LSAMP: variants seen among roughly 807,000 people sequenced by gnomAD.
LSAMP encodes limbic system-associated membrane protein.
In LSAMP, 7 loss-of-function variants were observed where a neutral mutation model predicts 38.6. That is an observed-to-expected ratio of 0.18 (90% CI 0.10 to 0.34). LSAMP has a LOEUF of 0.34. LSAMP is among the 10% of genes least tolerant of loss of function. The pLI is 1.00. For missense variants in LSAMP, 313 were observed against 420.0 expected (o/e 0.75, Z 2.23); for synonymous variants, 154 against 166.8 (o/e 0.92, Z 0.59).
At chr3:116,157,990 C>G (rs1709793755) in intron 1 of LSAMP, among the ~76,000 whole-genome samples, 1 of 152,044 alleles carries the variant, frequency 6.6e-6, no homozygotes, top group African/African-American at 2.4e-5. Context: ...AGCAGCACAT[C>G]AAAAGATTAA....
intron 1 of LSAMP, among the ~76,000 whole-genome samples, chr3:116,177,264 T>C (rs1037696724): frequency 6.6e-6 from 1 of 152,094 alleles, no homozygotes; most frequent in Non-Finnish European, 1.5e-5. Flanking sequence ...CATCTCCGAA[T>C]TGTAGTATGT....
At chr3:116,110,428 C>T (rs1056131222) in intron 1 of LSAMP, among the ~76,000 whole-genome samples, 22 of 152,158 alleles carry the variant, frequency 1.4e-4, no homozygotes, top group Admixed American at 6.5e-5. Context: ...GAGAGGCTTC[C>T]CTGCATTGAT....
At chr3:116,122,470 A>G (rs1193699448) in intron 1 of LSAMP, among the ~76,000 whole-genome samples, 6 of 152,214 alleles carry the variant, frequency 3.9e-5, no homozygotes, top group East Asian at 1.9e-4. Flanking sequence ...TCTGAAGAAG[A>G]GACCCCATCA....
intron 1 of LSAMP, among the ~76,000 whole-genome samples, chr3:116,297,936 A>G (rs1312498938): frequency 6.6e-6 from 1 of 152,168 alleles, no homozygotes; most frequent in Non-Finnish European, 1.5e-5. Context: ...CCTCTTCCAG[A>G]ATCCACTAAT....
chr3:116,238,085 T>C (rs1173003176), intron 1 of LSAMP, among the ~76,000 whole-genome samples: 7 of 152,132 alleles, frequency 4.6e-5, no homozygotes, highest in Non-Finnish European at 7.4e-5. Context: ...TTGCCAAATA[T>C]TTCCTGGGGG....
At chr3:115,855,339 T>A (rs1276184963) in intron 3 of LSAMP, among the ~76,000 whole-genome samples, 1 of 152,148 alleles carries the variant, frequency 6.6e-6, no homozygotes, top group Non-Finnish European at 1.5e-5. Flanking sequence ...CATACCAATA[T>A]AAGTATTAGT....
intron 3 of LSAMP, among the ~76,000 whole-genome samples, chr3:115,919,514 A>G (rs1937333702): frequency 6.6e-6 from 1 of 152,174 alleles, no homozygotes; most frequent in South Asian, 2.1e-4. Flanking sequence ...CGTGGTGTGT[A>G]TGTATAAATG....
intron 1 of LSAMP, among the ~76,000 whole-genome samples, chr3:116,271,211 T>A (rs1463076681): frequency 6.6e-6 from 1 of 152,104 alleles, no homozygotes; most frequent in Non-Finnish European, 1.5e-5. Flanking sequence ...ATACAAGGTA[T>A]CATGCTACCA....
chr3:116,307,714 C>G (rs1038621509), intron 1 of LSAMP, among the ~76,000 whole-genome samples: 17 of 151,824 alleles, frequency 1.1e-4, no homozygotes, highest in African/African-American at 3.6e-4. Context: ...GTTTCTGTAC[C>G]ATTAAAATAG....
chr3:116,279,896 A>G (rs368565511), intron 1 of LSAMP, among the ~76,000 whole-genome samples: 3 of 152,340 alleles, frequency 2.0e-5, no homozygotes, highest in Admixed American at 2.0e-4. Context: ...CAACTGTTCT[A>G]GTAAATGTTA....
chr3:116,404,901 T>C (rs765319448), intron 1 of LSAMP, among the ~76,000 whole-genome samples: 3 of 152,114 alleles, frequency 2.0e-5, no homozygotes, highest in Non-Finnish European at 2.9e-5. Flanking sequence ...AATGTCTCAT[T>C]TTCTAGTCTC....
intron 6 of LSAMP, among the ~76,000 whole-genome samples, chr3:115,815,116 T>C (rs1237948582): frequency 1.3e-5 from 2 of 152,140 alleles, no homozygotes; most frequent in East Asian, 1.9e-4. Context: ...TTACCTGAGG[T>C]ACATACAGTA....
At chr3:116,114,176 C>T (rs1467270110) in intron 1 of LSAMP, among the ~76,000 whole-genome samples, 1 of 152,178 alleles carries the variant, frequency 6.6e-6, no homozygotes, top group African/African-American at 2.4e-5. Flanking sequence ...CAAAGACTCC[C>T]TATACCTATA....
intron 6 of LSAMP, chr3:115,838,168 AATAT>A (rs1319328061): frequency 2.6e-5 from 4 of 152,234 alleles, no homozygotes; most frequent in Non-Finnish European, 5.9e-5. Flanking sequence ...CTGACACAAA[AATAT>A]AATTTTTAAA....
intron 1 of LSAMP, among the ~76,000 whole-genome samples, chr3:116,207,801 A>T (rs563124138): frequency 7.5e-4 from 114 of 152,194 alleles, no homozygotes; most frequent in African/African-American, 2.5e-3. Context: ...CTTCCCTTTG[A>T]GGGTAACCCG....
At chr3:116,138,491 C>G (rs1405246087) in intron 1 of LSAMP, among the ~76,000 whole-genome samples, 6 of 151,932 alleles carry the variant, frequency 3.9e-5, no homozygotes. Context: ...CAATTGATCT[C>G]TATTCTAAAA....
At chr3:116,271,299 A>G (rs1448125756) in intron 1 of LSAMP, among the ~76,000 whole-genome samples, 1 of 152,082 alleles carries the variant, frequency 6.6e-6, no homozygotes, top group African/African-American at 2.4e-5. Context: ...TACTCTACCC[A>G]CAGAACAGTA....
intron 1 of LSAMP, among the ~76,000 whole-genome samples, chr3:116,209,367 G>A (rs138321887): frequency 0.015 from 2,360 of 152,314 alleles, 31 homozygotes; most frequent in Non-Finnish European, 0.024. Context: ...CTTCTGCTTC[G>A]CTCACGCTGG....
chr3:115,863,672 G>A (rs1935777059), intron 3 of LSAMP, among the ~76,000 whole-genome samples: 2 of 151,738 alleles, frequency 1.3e-5, no homozygotes, highest in Non-Finnish European at 2.9e-5. Flanking sequence ...TGTGCGGTTA[G>A]GGAACTTCTC....
Sources: allele counts gnomAD v4.1 joint callset (sites outside exome capture counted in the v4.1 genomes callset), GRCh38; gene constraint gnomAD v4.1.1; transcripts MANE v1.5; gene names NCBI Gene and HGNC (gene_info 2026-07-23, HGNC 2026-07-21).